WEE2: variants seen among roughly 807,000 people sequenced by gnomAD.
WEE2 encodes WEE2 oocyte meiosis inhibiting kinase.
Under a neutral mutation model 60.1 loss-of-function variants are expected in WEE2, and 50 were observed. The observed-to-expected ratio is 0.83, with a 90% CI of 0.66 to 1.05. WEE2 has a LOEUF of 1.05. Ranked by LOEUF, WEE2 falls within the 50% of genes least tolerant of loss-of-function variation. The pLI, the probability that WEE2 is intolerant of heterozygous loss-of-function variation, is 0.00. For synonymous variants in WEE2, 240 were observed against 241.0 expected (o/e 1.00, Z 0.04); for missense variants, 631 against 684.3 (o/e 0.92, Z 0.87).
intron 4 of WEE2, among the ~76,000 whole-genome samples, chr7:141,720,136 TTCC>T (rs1298033566): frequency 1.4e-5 from 2 of 139,002 alleles, no homozygotes; most frequent in African/African-American, 5.4e-5. Context: ...GGTTTTAGAA[TTCC>T]TCTTTTTTTT....
Position 141,727,426 on chromosome 7 carries a change from C to G in WEE2, c.1515C>G (p.Phe505Leu). 1 of 1,614,142 alleles carries G rather than the reference C, an allele frequency of 6.2e-7. No individual in the cohort carries two copies. The highest frequency in any genetic ancestry group is 2.2e-5 in the East Asian group (1 of 44,892). Reference sequence around the variant, plus strand: ...AACAGCAGCTGAATTTGGAAAAGTTCAAGACTGCCACACTGGAAAGGTATA... The same window carrying G: ...AACAGCAGCTGAATTTGGAAAAGTTGAAGACTGCCACACTGGAAAGGTATA... ...ELQQQLNLEK[F>L]KTATLERELR... The change falls in exon 10 of 12, where the codon TTC becomes TTG. Residue 505 changes from phenylalanine to leucine, a missense_variant. Physicochemically the swap from Phe to Leu is conservative, Grantham distance 22. Coordinates refer to ENST00000397541, the MANE Select transcript of WEE2 (RefSeq NM_001105558.1).
In WEE2 at chr7:141,724,238, G is replaced by A; in HGVS notation, c.1184G>A (p.Gly395Glu). 1 of 1,613,894 alleles carries A rather than the reference G, an allele frequency of 6.2e-7. No homozygotes were observed. The highest frequency in any genetic ancestry group is 1.3e-5 in the African/African-American group (1 of 75,000). The change falls in exon 8 of 12, where the codon GGA becomes GAA. Residue 395 changes from glycine (G) to glutamate (E), a missense_variant. Physicochemically the swap from Gly to Glu is moderately conservative, Grantham distance 98. Coordinates refer to ENST00000397541, the MANE Select transcript of WEE2 (RefSeq NM_001105558.1). ...ATAAACAAACCCAAAGTGGAAGAAG[G>A]AGATAGTCGCTTCCTGGCTAATGAG... Reference protein sequence around the residue: ...TSINKPKVEEGDSRFLANEIL... With the variant: ...TSINKPKVEEEDSRFLANEIL...
chr7:141,709,108 A>G lies in WEE2; in HGVS notation c.342+8A>G, dbSNP rs751333795. ...AGCCCCTCTACTCCCAAAGTAAGTAAGGGGTGGGGGAAAAAGGGACGCAGG... is the reference window on the plus strand; with the variant it reads ...AGCCCCTCTACTCCCAAAGTAAGTAGGGGGTGGGGGAAAAAGGGACGCAGG... On this transcript the variant is annotated splice_region_variant and intron_variant, in intron 1 of 11. Coordinates refer to ENST00000397541, the MANE Select transcript of WEE2 (RefSeq NM_001105558.1). 5.6e-6 allele frequency: 9 copies of G among 1,609,402 alleles called. No individual in the cohort carries two copies. The highest frequency in any genetic ancestry group is 7.6e-6 in the Non-Finnish European group (9 of 1,177,034).
chr7:141,719,850 G>T (rs1300046759), intron 4 of WEE2, among the ~76,000 whole-genome samples: 1 of 152,132 alleles, frequency 6.6e-6, no homozygotes, highest in African/African-American at 2.4e-5. Flanking sequence ...TTGTGGAATT[G>T]TCCTCTGGTG....
rs544290677 is a variant in WEE2, at chr7:141,730,517, G to A, written c.*197G>A. 1.1e-5 allele frequency: 6 copies of A among 525,176 alleles called. No individual in the cohort carries two copies. Among genetic ancestry groups the A allele is most frequent in the African/African-American group, 3.9e-5 (2 of 51,444 alleles). The allele number at this position is 525,176 out of a possible 1,614,324, so 32.5% of individuals were successfully genotyped here. ...AGGTTATATGATGCTGTTCCTAAGA[G>A]AGAATTCCCAGCTTCTTTGAGGAAG... On this transcript the variant is annotated 3_prime_UTR_variant, in exon 12 of 12. Transcript: ENST00000397541.
intron 1 of WEE2, 42 bp downstream of exon 1, chr7:141,709,142 C>A: frequency 6.5e-7 from 1 of 1,545,344 alleles, no homozygotes; most frequent in Non-Finnish European, 8.9e-7. Context: ...GGTCGCCAAG[C>A]TCTGCTTTCC....
intron 3 of WEE2, among the ~76,000 whole-genome samples, chr7:141,718,235 T>G (rs778981334): frequency 8.5e-5 from 13 of 152,124 alleles, no homozygotes; most frequent in Non-Finnish European, 1.5e-4. Context: ...AAAGATGACT[T>G]TGGGAGATAA....
chr7:141,718,248 C>A (rs1159337887), intron 3 of WEE2, among the ~76,000 whole-genome samples: 1 of 152,014 alleles, frequency 6.6e-6, no homozygotes, highest in African/African-American at 2.4e-5. Context: ...GGAGATAAAT[C>A]AGCTTGGATT....
chr7:141,729,446 G>C (rs1198655682), intron 10 of WEE2, 85 bp from the exon 11 acceptor site: 1 of 1,568,236 alleles, frequency 6.4e-7, no homozygotes, highest in East Asian at 2.2e-5. Flanking sequence ...GAAACAAGAA[G>C]AAAAACATTT....
intron 1 of WEE2, among the ~76,000 whole-genome samples, chr7:141,710,068 T>C (rs1346803837): frequency 6.6e-6 from 1 of 152,198 alleles, no homozygotes; most frequent in Admixed American, 6.5e-5. Context: ...GTTTGAATTG[T>C]AGAAAAACTA....
chr7:141,729,484 C>G, intron 10 of WEE2, 47 bp from the exon 11 acceptor site: 1 of 1,613,232 alleles, frequency 6.2e-7, no homozygotes, highest in Non-Finnish European at 8.5e-7. Context: ...ATACATATCT[C>G]TGACTGGAGA....
At chr7:141,717,504 T>C (rs909027385) in intron 3 of WEE2, among the ~76,000 whole-genome samples, 4 of 152,246 alleles carry the variant, frequency 2.6e-5, no homozygotes, top group Non-Finnish European at 5.9e-5. Context: ...TGCAAAGCAT[T>C]GTATTTAGTT....
At chr7:141,727,699 A>C in intron 10 of WEE2, 3 of 429,598 alleles carry the variant, frequency 7.0e-6, no homozygotes, top group Admixed American at 3.9e-5. Context: ...GAGGAATATA[A>C]GGAAATACCA....
At chr7:141,716,949 TTA>T (rs1341506552) in intron 3 of WEE2, among the ~76,000 whole-genome samples, 3 of 152,318 alleles carry the variant, frequency 2.0e-5, no homozygotes, top group South Asian at 4.1e-4. Context: ...AACATTATCC[TTA>T]GAGATGTTTA....
Position 141,719,147 on chromosome 7 carries a change from G to T in WEE2, c.661G>T (p.Gly221Cys), listed in dbSNP as rs374935732. 1.9e-6 allele frequency: 3 copies of T among 1,613,922 alleles called. No individual in the cohort carries two copies. The highest frequency in any genetic ancestry group is 1.3e-5 in the African/African-American group (1 of 74,894). The stretch of plus-strand genomic sequence containing the variant: ...CTTGGAGGTTGAAAAAATTGGGGTT[G>T]GCGAATTTGGTACAGTCTACAAGTG... ...EFLEVEKIGV[G>C]EFGTVYKCIK... Residue 221 changes from glycine (G) to cysteine (C), a missense_variant, in exon 4 of 12, where the codon GGC becomes TGC. Physicochemically the swap from Gly to Cys is radical, Grantham distance 159. Transcript: ENST00000397541.
At position 141,708,449 on chromosome 7, in the gene WEE2, G is replaced by T; in HGVS notation, c.-310G>T. ...AATTCAATTTTCTCACTAGTATTTG[G>T]TAACACATGGGAGACTATGTGTCAT... On this transcript the variant is annotated 5_prime_UTR_variant, in exon 1 of 12. Transcript: ENST00000397541. 3.1e-6 allele frequency: 1 copy of T among 321,676 alleles called. No individual in the cohort carries two copies. The highest frequency in any genetic ancestry group is 5.7e-6 in the Non-Finnish European group (1 of 175,744). 19.9% of individuals were successfully genotyped at this position (321,676 alleles called of 1,614,324 possible).
At chr7:141,719,699 G>T (rs12672225) in intron 4 of WEE2, among the ~76,000 whole-genome samples, 86,832 of 152,030 alleles carry the variant, frequency 0.57, 25,702 homozygotes, top group African/African-American at 0.74. Flanking sequence ...TCTGCCTGCC[G>T]TGGCCTCCCA....
chr7:141,725,184 C>T lies in WEE2; in HGVS notation c.1380C>T (p.Ser460=). Residue 460 remains serine (S), a synonymous_variant, in exon 9 of 12, where the codon TCC becomes TCT. Transcript: ENST00000397541. ...DVPQELSESF[S]SLLKNMIQPD... Reference sequence around the variant, plus strand: ...CTCAGGAGCTCTCAGAAAGCTTTTCCAGTCTGCTCAAGGTGATAGCTCTTA... The same window carrying T: ...CTCAGGAGCTCTCAGAAAGCTTTTCTAGTCTGCTCAAGGTGATAGCTCTTA... 1 of 1,613,950 alleles carries T rather than the reference C, an allele frequency of 6.2e-7. No homozygotes were observed. Among genetic ancestry groups the T allele is most frequent in the Non-Finnish European group, 8.5e-7 (1 of 1,179,890 alleles).
intron 4 of WEE2, chr7:141,720,670 T>A (rs971323694): frequency 4.6e-6 from 2 of 433,980 alleles, no homozygotes; most frequent in African/African-American, 2.0e-5. Flanking sequence ...AACAATGGAC[T>A]TTGGCACCAG....
Sources: allele counts gnomAD v4.1 joint callset (sites outside exome capture counted in the v4.1 genomes callset), GRCh38; gene constraint gnomAD v4.1.1; transcripts MANE v1.5; gene names NCBI Gene and HGNC (gene_info 2026-07-23, HGNC 2026-07-21).